The following TAF7L variants were observed in gnomAD, a reference collection of about 807,000 sequenced individuals.
TAF7L encodes the protein transcription initiation factor TFIID subunit 7-like.
In TAF7L, 6 loss-of-function variants were observed where a neutral mutation model predicts 30.2. The ratio of observed to expected loss-of-function variants is 0.20; its 90% CI spans 0.11 to 0.39. The LOEUF (loss-of-function observed/expected upper bound fraction) is 0.39, where lower values mean the gene tolerates loss of function less well. TAF7L is among the 10% of genes least tolerant of loss of function. The pLI is 1.00. For synonymous variants in TAF7L, 93 were observed against 94.5 expected (o/e 0.98, Z 0.09); for missense variants, 284 against 277.1 (o/e 1.03, Z -0.18).
chrX:101,278,718 T>A (rs191139490), intron 7 of TAF7L, among the ~76,000 whole-genome samples: 1 of 112,512 alleles, frequency 8.9e-6, no homozygotes, highest in Non-Finnish European at 1.9e-5. Flanking sequence ...TCCCAAGGAA[T>A]GGCTTTTGAA....
chrX:101,280,834 T>C (rs1924385563), intron 6 of TAF7L, among the ~76,000 whole-genome samples: 1 of 111,886 alleles, frequency 8.9e-6, no homozygotes, highest in Admixed American at 9.6e-5. Context: ...TTAAGTGAAT[T>C]ATGCTGAATG....
intron 3 of TAF7L, among the ~76,000 whole-genome samples, chrX:101,285,362 G>A (rs1486081063): frequency 9.2e-6 from 1 of 108,985 alleles, no homozygotes; most frequent in African/African-American, 3.3e-5. Context: ...GCCAGGTGTG[G>A]TGGCGCATGC....
At chrX:101,286,180 C>CAAA (rs1188025833) in intron 3 of TAF7L, among the ~76,000 whole-genome samples, 3 of 46,301 alleles carry the variant, frequency 6.5e-5, no homozygotes, top group East Asian at 6.1e-4. Flanking sequence ...GACTCCATCT[C>CAAA]AAAAAAAAAA....
chrX:101,275,392 G>A (rs1924130881), intron 11 of TAF7L, 111 bp from the exon 12 acceptor site: 7 of 549,004 alleles, frequency 1.3e-5, no homozygotes, highest in East Asian at 1.2e-4. Context: ...TTTTTGAGGC[G>A]GAATCTTCCT....
Position 101,268,810 on chromosome X carries a change from T to A in TAF7L, c.*383A>T. Reference sequence around the variant, plus strand: ...GTACCATAGCACAGAAGCAATATAATCAATTCTTGTTTGGTGTGGTGGTGC... The same window carrying A: ...GTACCATAGCACAGAAGCAATATAAACAATTCTTGTTTGGTGTGGTGGTGC... On this transcript the variant is annotated 3_prime_UTR_variant, in exon 13 of 13. Transcript: ENST00000356784. The A allele has an allele frequency of 7.5e-6, 1 of 134,055 alleles. No homozygotes were observed. Among genetic ancestry groups the A allele is most frequent in the Non-Finnish European group, 1.5e-5 (1 of 67,125 alleles). 11.0% of individuals were successfully genotyped at this position (134,055 alleles called of 1,213,427 possible). A position where few individuals can be genotyped will look rare whatever the true frequency, so the allele number is the denominator to read the frequency against.
At chrX:101,277,013 G>A (rs1237403351) in intron 9 of TAF7L, among the ~76,000 whole-genome samples, 1 of 107,794 alleles carries the variant, frequency 9.3e-6, no homozygotes, top group Non-Finnish European at 1.9e-5. Context: ...TTAGCTTGGT[G>A]TGGTGGTACA....
Position 101,269,197 on chromosome X carries a change from T to G in TAF7L, c.1127A>C (p.Lys376Thr). 1 of 1,209,711 alleles carries G rather than the reference T, an allele frequency of 8.3e-7. No homozygotes were observed. The highest frequency in any genetic ancestry group is 1.1e-6 in the Non-Finnish European group (1 of 894,125). The change falls in exon 13 of 13, where the codon AAG (lysine) becomes ACG (threonine). Residue 376 changes from lysine (K) to threonine (T), a missense_variant. Lys to Thr is a moderately conservative substitution (Grantham distance 78). Transcript: ENST00000356784. The part of the protein sequence containing the change: ...LQEQLQRFLK[K>T] ...GGGCCACGCCAATGGCTCTCCTCAC[T>G]TCTTCAGAAAACGCTGCAACTGTTC... is the stretch of plus-strand genomic sequence containing the variant.
chrX:101,281,818 T>C (rs1415654324), intron 5 of TAF7L, 43 bp from the exon 6 acceptor site: 1 of 1,078,933 alleles, frequency 9.3e-7, no homozygotes, highest in Admixed American at 2.2e-5. Context: ...TGACTGATGG[T>C]AGTCACATAG....
intron 9 of TAF7L, 90 bp downstream of exon 9, chrX:101,277,516 T>G (rs920330973): frequency 1.2e-5 from 5 of 406,410 alleles, no homozygotes; most frequent in African/African-American, 5.5e-5. Context: ...TTTTTTTTTT[T>G]GGATTGGCCT....
chrX:101,282,212 G>A, intron 5 of TAF7L, 115 bp downstream of exon 5: 1 of 1,002,921 alleles, frequency 1.0e-6, no homozygotes, highest in Admixed American at 2.6e-5. Context: ...AAGAGTATCT[G>A]AGAACCTAAT....
intron 10 of TAF7L, 81 bp from the exon 11 acceptor site, chrX:101,276,193 T>C: frequency 1.7e-6 from 2 of 1,175,068 alleles, no homozygotes. Flanking sequence ...AAAACTCTAC[T>C]ACACATCGAA....
intron 12 of TAF7L, among the ~76,000 whole-genome samples, chrX:101,274,972 A>G (rs1235173563): frequency 8.9e-6 from 1 of 111,732 alleles, no homozygotes; most frequent in Admixed American, 9.5e-5. Context: ...TATCAATGAC[A>G]CTGAGGATTT....
At chrX:101,284,213 T>TA (rs1924507512) in intron 3 of TAF7L, among the ~76,000 whole-genome samples, 1 of 111,836 alleles carries the variant, frequency 8.9e-6, no homozygotes, top group South Asian at 3.7e-4. Flanking sequence ...ACTCTAAAAA[T>TA]AGAGAGATTG....
chrX:101,277,590 G>A lies in TAF7L; in HGVS notation c.691+16C>T, dbSNP rs1264116885. 2.8e-6 allele frequency: 3 copies of A among 1,073,686 alleles called. No homozygotes were observed. The highest frequency in any genetic ancestry group is 3.7e-6 in the Non-Finnish European group (3 of 802,223). 88.5% of individuals were successfully genotyped at this position (1,073,686 alleles called of 1,213,427 possible). A position where few individuals can be genotyped will look rare whatever the true frequency, so the allele number is the denominator to read the frequency against. On this transcript the variant is annotated intron_variant, in intron 9 of 12. Transcript: ENST00000356784. Reference sequence around the variant, plus strand: ...CTGCCCTATCTGAAACTCCTGCTTTGCCTTTACTAAAGTACCTGACGAGGT... The same window carrying A: ...CTGCCCTATCTGAAACTCCTGCTTTACCTTTACTAAAGTACCTGACGAGGT...
intron 5 of TAF7L, 110 bp from the exon 6 acceptor site, chrX:101,281,885 CTTTTTT>C: frequency 1.4e-4 from 62 of 443,498 alleles, no homozygotes; most frequent in African/African-American, 1.9e-4. Context: ...GACATCACTC[CTTTTTT>C]TTTTTTTTTT....
At position 101,279,040 on chromosome X, in the gene TAF7L, G is replaced by A; in HGVS notation, c.463-5C>T. ...CATTTCTTTGACATCAGGGACCTAT[G>A]AAATAAAACACAATAAACAAGTTAT... On this transcript the variant is annotated splice_region_variant and splice_polypyrimidine_tract_variant and intron_variant, in intron 6 of 12. Coordinates refer to ENST00000356784, the MANE Select transcript of TAF7L (RefSeq NM_001168474.2). 2 of 1,192,716 alleles carry A rather than the reference G, an allele frequency of 1.7e-6. No homozygotes were observed. The highest frequency in any genetic ancestry group is 3.6e-5 in the South Asian group (2 of 55,860).
In TAF7L at chrX:101,276,119, G is replaced by C. The variant is rs768264533; in HGVS notation, c.914-7C>G. On this transcript the variant is annotated splice_polypyrimidine_tract_variant and splice_region_variant and intron_variant, in intron 10 of 12. Transcript: ENST00000356784. ...TGCTTCTGAATTTCCATGACTAATA[G>C]AGAAACATAGAACTTTATATATTAA... is the stretch of plus-strand genomic sequence containing the variant. 4 of 1,171,981 alleles carry C rather than the reference G, an allele frequency of 3.4e-6. No homozygotes were observed. The East Asian group carries it at 1.2e-4, about 35-fold the overall frequency.
At chrX:101,283,684 C>T in intron 3 of TAF7L, 101 bp from the exon 4 acceptor site, 2 of 880,964 alleles carry the variant, frequency 2.3e-6, no homozygotes, top group Non-Finnish European at 3.2e-6. Flanking sequence ...TTAGTCTTTC[C>T]AAGAAACCTA....
In TAF7L at chrX:101,282,308, C is replaced by G. The variant is rs1924440325; in HGVS notation, c.406+19G>C. The G allele has an allele frequency of 1.7e-6, 2 of 1,208,034 alleles. No homozygotes were observed. The highest frequency in any genetic ancestry group is 3.5e-5 in the African/African-American group (2 of 57,016). On this transcript the variant is annotated intron_variant, in intron 5 of 12. Coordinates refer to ENST00000356784, the MANE Select transcript of TAF7L (RefSeq NM_001168474.2). ...ATAAATTTTAGTCAGCAGGAATGAG[C>G]AAGGGGCTGGTGACTTACTGCCATG... is the stretch of plus-strand genomic sequence containing the variant.
Sources: gnomAD v4.1 joint callset for allele counts (sites outside exome capture counted in the v4.1 genomes callset) on GRCh38, gnomAD v4.1.1 for gene constraint, MANE v1.5 for transcripts, NCBI Gene and HGNC (gene_info 2026-07-23, HGNC 2026-07-21) for gene names.